THRB: variants seen among roughly 807,000 people sequenced by gnomAD.
THRB encodes the protein nuclear receptor subfamily 1 group A member 2.
Under a neutral mutation model 47.8 loss-of-function variants are expected in THRB, and 12 were observed. The observed-to-expected ratio is 0.25, with a 90% CI of 0.16 to 0.41. THRB has a LOEUF of 0.41. Ranked by LOEUF, THRB falls within the 10% of genes least tolerant of loss-of-function variation. The pLI is 1.00. For missense variants in THRB, 348 were observed against 589.2 expected, an observed-to-expected ratio of 0.59 and a Z score of 4.24; for synonymous variants, 218 against 212.2, an observed-to-expected ratio of 1.03 and a Z score of -0.24.
chr3:24,165,019 G>T (rs751183842), intron 5 of THRB: 1 of 738,786 alleles, frequency 1.4e-6, no homozygotes, highest in Non-Finnish European at 2.5e-6. Context: ...AAGCAAAATG[G>T]TCCCTACCTT....
chr3:24,133,415 T>A lies in THRB; in HGVS notation c.786A>T (p.Gly262=), dbSNP rs758872474. Residue 262 remains glycine, a synonymous_variant, in exon 9 of 11, where the codon GGA becomes GGT. Coordinates refer to ENST00000646209, the MANE Select transcript of THRB (RefSeq NM_001354712.2). ...GGCTGAAGGCTTCCAAGTCAACCTT[T>A]CCACCTTCTGGGGCATTGACTATTG... ...QAPIVNAPEG[G]KVDLEAFSHF... The A allele has an allele frequency of 1.1e-5, 18 of 1,614,134 alleles. No individual in the cohort carries two copies. The South Asian group carries it at 1.8e-4, about 16-fold the overall frequency.
chr3:24,437,848 T>C (rs570052105), intron 1 of THRB, among the ~76,000 whole-genome samples: 7 of 152,020 alleles, frequency 4.6e-5, no homozygotes, highest in African/African-American at 1.4e-4. Context: ...TGAACTCCTA[T>C]ACAACTCTAT....
At chr3:24,312,992 T>C (rs2057856115) in intron 2 of THRB, among the ~76,000 whole-genome samples, 1 of 152,150 alleles carries the variant, frequency 6.6e-6, no homozygotes, top group African/African-American at 2.4e-5. Context: ...GGTGGGAGTG[T>C]GCAGACTCAG....
intron 1 of THRB, among the ~76,000 whole-genome samples, chr3:24,456,345 A>AG (rs1275043673): frequency 3.3e-5 from 5 of 152,076 alleles, no homozygotes; most frequent in South Asian, 4.2e-4. Flanking sequence ...AAAAAAAAAA[A>AG]AAAGTTAAAA....
intron 1 of THRB, among the ~76,000 whole-genome samples, chr3:24,473,225 C>A (rs1694959887): frequency 6.6e-6 from 1 of 152,168 alleles, no homozygotes; most frequent in South Asian, 2.1e-4. Flanking sequence ...CTAAAAGTTT[C>A]AACCATTTTG....
At chr3:24,284,314 AAAAC>A (rs1314127859) in intron 3 of THRB, among the ~76,000 whole-genome samples, 1 of 151,758 alleles carries the variant, frequency 6.6e-6, no homozygotes, top group East Asian at 1.9e-4. Flanking sequence ...AAACCTGAGA[AAAAC>A]AAGCAATGGG....
intron 1 of THRB, among the ~76,000 whole-genome samples, chr3:24,371,948 G>A (rs959047724): frequency 2.0e-5 from 3 of 152,062 alleles, no homozygotes; most frequent in African/African-American, 7.2e-5. Context: ...AGGGAAAACA[G>A]GGTCAGTTCA....
intron 1 of THRB, among the ~76,000 whole-genome samples, chr3:24,455,908 A>G (rs73150386): frequency 0.014 from 2,109 of 152,302 alleles, 56 homozygotes; most frequent in African/African-American, 0.048. Flanking sequence ...TTATTGCTCA[A>G]TTCTCTGAAA....
At chr3:24,324,068 C>A (rs2149319071) in intron 2 of THRB, among the ~76,000 whole-genome samples, 1 of 152,322 alleles carries the variant, frequency 6.6e-6, no homozygotes, top group East Asian at 1.9e-4. Flanking sequence ...GATACCACCC[C>A]TGTGGGCACT....
intron 1 of THRB, among the ~76,000 whole-genome samples, chr3:24,370,464 G>A (rs1220690595): frequency 1.3e-5 from 2 of 152,050 alleles, no homozygotes; most frequent in African/African-American, 4.8e-5. Context: ...GTGCACATGA[G>A]TGTGTATGAG....
At chr3:24,188,884 TGA>T (rs1200631048) in intron 5 of THRB, among the ~76,000 whole-genome samples, 16 of 142,808 alleles carry the variant, frequency 1.1e-4, no homozygotes, top group African/African-American at 3.8e-4. Flanking sequence ...TATATATATA[TGA>T]GAGAAAGAGA....
intron 1 of THRB, among the ~76,000 whole-genome samples, chr3:24,482,864 T>C (rs1277409099): frequency 6.6e-6 from 1 of 152,160 alleles, no homozygotes; most frequent in Non-Finnish European, 1.5e-5. Flanking sequence ...CTTCTTAATA[T>C]TGCAAGTTTC....
intron 9 of THRB, among the ~76,000 whole-genome samples, chr3:24,131,044 A>T (rs1301671093): frequency 6.6e-6 from 1 of 152,222 alleles, no homozygotes; most frequent in Non-Finnish European, 1.5e-5. Context: ...TTTGGTGCCG[A>T]TCATGTGGGT....
intron 3 of THRB, among the ~76,000 whole-genome samples, chr3:24,254,819 GA>G: frequency 6.6e-6 from 1 of 152,264 alleles, no homozygotes; most frequent in African/African-American, 2.4e-5. Context: ...ATTTTCCTAT[GA>G]CCAATGACTT....
chr3:24,184,277 A>G (rs112389371), intron 5 of THRB, among the ~76,000 whole-genome samples: 1 of 152,214 alleles, frequency 6.6e-6, no homozygotes, highest in African/African-American at 2.4e-5. Flanking sequence ...CAAAAAACAA[A>G]GATGCAAAGA....
chr3:24,315,405 A>G (rs147490443), intron 2 of THRB, among the ~76,000 whole-genome samples: 1 of 152,340 alleles, frequency 6.6e-6, no homozygotes, highest in African/African-American at 2.4e-5. Context: ...TACGTGGCTA[A>G]GCTATCCCAA....
chr3:24,258,320 T>A (rs2051542961), intron 3 of THRB, among the ~76,000 whole-genome samples: 1 of 152,026 alleles, frequency 6.6e-6, no homozygotes, highest in Non-Finnish European at 1.5e-5. Context: ...TTCACTCCCC[T>A]GGGCAGGCCT....
intron 4 of THRB, among the ~76,000 whole-genome samples, chr3:24,205,376 C>G (rs1014965687): frequency 2.6e-5 from 4 of 152,100 alleles, no homozygotes; most frequent in African/African-American, 9.7e-5. Flanking sequence ...CTTTTCAACC[C>G]AGAATTTCAT....
intron 4 of THRB, among the ~76,000 whole-genome samples, chr3:24,197,921 G>A (rs995524919): frequency 6.6e-6 from 1 of 152,184 alleles, no homozygotes; most frequent in African/African-American, 2.4e-5. Flanking sequence ...TTTTACTTTG[G>A]CATTTGTATC....
Sources: gnomAD v4.1 joint callset for allele counts (sites outside exome capture counted in the v4.1 genomes callset) on GRCh38, gnomAD v4.1.1 for gene constraint, MANE v1.5 for transcripts, NCBI Gene and HGNC (gene_info 2026-07-23, HGNC 2026-07-21) for gene names.